The following AFF2 variants were observed in gnomAD, a reference collection of about 807,000 sequenced individuals.
AFF2 encodes ALF transcription elongation factor 2, also known as AF4/FMR2 family member 2.
In AFF2, 14 loss-of-function variants were observed where a neutral mutation model predicts 76.9. That is an observed-to-expected ratio of 0.18 (90% CI 0.12 to 0.28). AFF2 has a LOEUF of 0.28. AFF2 is among the 10% of genes least tolerant of loss of function. AFF2 has a pLI of 1.00. For synonymous variants in AFF2, 398 were observed against 366.7 expected, an observed-to-expected ratio of 1.09 and a Z score of -0.98; for missense variants, 868 against 1,001.1, an observed-to-expected ratio of 0.87 and a Z score of 1.79.
intron 1 of AFF2, among the ~76,000 whole-genome samples, chrX:148,532,834 T>C (rs1435945842): frequency 8.9e-6 from 1 of 111,906 alleles, no homozygotes; most frequent in Non-Finnish European, 1.9e-5. Context: ...TGTAACCAAA[T>C]TGTGAGCCTG....
chrX:148,618,079 A>G (rs782140500), intron 1 of AFF2, among the ~76,000 whole-genome samples: 1 of 111,574 alleles, frequency 9.0e-6, no homozygotes, highest in South Asian at 3.7e-4. Context: ...TCTATAGTTT[A>G]TATTATTAGA....
At chrX:148,610,496 C>T (rs1323710737) in intron 1 of AFF2, among the ~76,000 whole-genome samples, 1 of 112,028 alleles carries the variant, frequency 8.9e-6, no homozygotes, top group Non-Finnish European at 1.9e-5. Flanking sequence ...TTAGTGAGGG[C>T]AGAGGAAATT....
chrX:148,712,732 C>T (rs2054982926), intron 3 of AFF2, among the ~76,000 whole-genome samples: 1 of 112,017 alleles, frequency 8.9e-6, no homozygotes, highest in Non-Finnish European at 1.9e-5. Context: ...CTCATTCATT[C>T]ATTCACGCAT....
At chrX:148,704,850 G>A (rs1395114188) in intron 3 of AFF2, among the ~76,000 whole-genome samples, 3 of 109,356 alleles carry the variant, frequency 2.7e-5, no homozygotes, top group Non-Finnish European at 5.7e-5. Flanking sequence ...ATTATTTGTA[G>A]AGATGAGGAT....
chrX:148,636,168 A>G (rs947598411), intron 1 of AFF2, among the ~76,000 whole-genome samples: 3 of 111,527 alleles, frequency 2.7e-5, no homozygotes, highest in Non-Finnish European at 5.6e-5. Flanking sequence ...GTGTTGGATC[A>G]TACATTACGA....
rs782247528 is a variant in AFF2 at position 148,626,538 on chromosome X, AACAATGGTTATATTTTTTTCTT to A, written c.48-25457_48-25436del. Among the ~76,000 whole-genome samples the A allele has an allele frequency of 8.8e-3, 976 of 111,100 alleles. 14 individuals carry two copies. The highest frequency in any genetic ancestry group is 0.029 in the African/African-American group (893 of 30,564). On this transcript the variant is annotated intron_variant, in intron 1 of 20. Coordinates refer to ENST00000370460, the MANE Select transcript of AFF2 (RefSeq NM_002025.4). ...AAACTGCCACAAACTTGGTGTCTTT[AACAATGGTTATATTTTTTTCTT>A]ACAGTTCTGGAGGCCAAAAGTCTAA...
At chrX:148,768,628 A>G (rs2069549163) in intron 3 of AFF2, among the ~76,000 whole-genome samples, 1 of 112,080 alleles carries the variant, frequency 8.9e-6, no homozygotes, top group Admixed American at 9.5e-5. Flanking sequence ...GAGAAGAATA[A>G]TAGCTTTGGC....
At chrX:148,930,035 T>C (rs2071694649) in intron 9 of AFF2, among the ~76,000 whole-genome samples, 1 of 111,812 alleles carries the variant, frequency 8.9e-6, no homozygotes, top group Non-Finnish European at 1.9e-5. Context: ...CAAACTAGTC[T>C]AGTTTCCTTC....
intron 3 of AFF2, among the ~76,000 whole-genome samples, chrX:148,802,429 T>A (rs1035961281): frequency 7.1e-5 from 8 of 112,510 alleles, no homozygotes; most frequent in Non-Finnish European, 1.5e-4. Flanking sequence ...GATGTTATAA[T>A]GTTCTTTTAC....
At chrX:148,693,476 T>G (rs147692937) in intron 3 of AFF2, among the ~76,000 whole-genome samples, 1,623 of 112,257 alleles carry the variant, frequency 0.014, 34 homozygotes, top group African/African-American at 0.047. Context: ...ATCCTTTGCA[T>G]CTTATGGAAA....
chrX:148,503,961 A>G (rs1212983518), intron 1 of AFF2, among the ~76,000 whole-genome samples: 2 of 112,209 alleles, frequency 1.8e-5, no homozygotes, highest in Admixed American at 9.4e-5. Flanking sequence ...CATTCTGTGA[A>G]AGAAAAAGAT....
intron 4 of AFF2, among the ~76,000 whole-genome samples, chrX:148,815,257 T>A (rs932698189): frequency 8.9e-6 from 1 of 112,077 alleles, no homozygotes; most frequent in Non-Finnish European, 1.9e-5. Flanking sequence ...TGCCCTTTGC[T>A]AATCTGATGA....
chrX:148,668,745 A>G (rs1477363771), intron 3 of AFF2, among the ~76,000 whole-genome samples: 1 of 111,657 alleles, frequency 9.0e-6, no homozygotes, highest in Non-Finnish European at 1.9e-5. Context: ...TGAAACCATC[A>G]TTTCCTCCTA....
At chrX:148,564,468 GA>G (rs5904241) in intron 1 of AFF2, among the ~76,000 whole-genome samples, 3,530 of 85,459 alleles carry the variant, frequency 0.041, 67 homozygotes, top group Non-Finnish European at 0.054. Context: ...CTCTTGATTT[GA>G]AAAAAAAAAA....
intron 1 of AFF2, among the ~76,000 whole-genome samples, chrX:148,620,091 C>A (rs2053851144): frequency 9.0e-6 from 1 of 111,318 alleles, no homozygotes; most frequent in Non-Finnish European, 1.9e-5. Context: ...TTGTCAAACT[C>A]CGGAGTTCAG....
intron 1 of AFF2, among the ~76,000 whole-genome samples, chrX:148,632,624 A>T (rs1363177028): frequency 8.9e-6 from 1 of 111,990 alleles, no homozygotes; most frequent in East Asian, 2.8e-4. Flanking sequence ...CTTGTACATG[A>T]CACCTTCTAC....
intron 1 of AFF2, among the ~76,000 whole-genome samples, chrX:148,534,269 GC>G (rs781988382): frequency 2.7e-5 from 3 of 112,360 alleles, no homozygotes; most frequent in Non-Finnish European, 5.6e-5. Flanking sequence ...GAAGACCCCT[GC>G]CTAGGACCAG....
chrX:148,581,574 G>A (rs868921000), intron 1 of AFF2, among the ~76,000 whole-genome samples: 22 of 97,450 alleles, frequency 2.3e-4, no homozygotes, highest in African/African-American at 5.4e-4. Context: ...ATACGTATAC[G>A]TATACGTGTA....
chrX:148,592,375 C>T (rs1436328605), intron 1 of AFF2, among the ~76,000 whole-genome samples: 1 of 110,297 alleles, frequency 9.1e-6, no homozygotes, highest in Admixed American at 9.7e-5. Flanking sequence ...GTCATTTTCC[C>T]ATTTATCCCT....
Sources: gnomAD v4.1 joint callset for allele counts (sites outside exome capture counted in the v4.1 genomes callset) on GRCh38, gnomAD v4.1.1 for gene constraint, MANE v1.5 for transcripts, NCBI Gene and HGNC (gene_info 2026-07-23, HGNC 2026-07-21) for gene names.